The following ENOSF1 variants were observed in gnomAD, a reference collection of about 807,000 sequenced individuals.
The protein encoded by ENOSF1 is mitochondrial enolase superfamily member 1.
Under a neutral mutation model 68.2 loss-of-function variants are expected in ENOSF1, and 73 were observed. That is an observed-to-expected ratio of 1.07 (90% CI 0.89 to 1.30). The LOEUF is 1.30. ENOSF1 is among the 50% of genes most tolerant of loss of function. ENOSF1 has a pLI of 0.00. For missense variants in ENOSF1, 589 were observed against 554.5 expected, an observed-to-expected ratio of 1.06 and a Z score of -0.62; for synonymous variants, 223 against 210.4, an observed-to-expected ratio of 1.06 and a Z score of -0.52.
At position 677,736 on chromosome 18, in the gene ENOSF1, C is replaced by A. The variant is rs187999348; in HGVS notation, c.1048+7G>T. 6.2e-6 allele frequency: 10 copies of A among 1,611,394 alleles called. No homozygotes were observed. The highest frequency in any genetic ancestry group is 8.5e-6 in the Non-Finnish European group (10 of 1,179,122). ...GGTCTGGTCTGCAGCCGCTGCAGCA[C>A]GCTTACTTTCAAACTTTTTGGCCAT... On this transcript the variant is annotated splice_region_variant and intron_variant, in intron 13 of 15. Coordinates refer to ENST00000647584, the MANE Select transcript of ENOSF1 (RefSeq NM_017512.7).
At chr18:668,194 C>T (rs1257988859), downstream of ENOSF1, among the ~76,000 whole-genome samples, 1 of 151,932 alleles carries the variant, frequency 6.6e-6, no homozygotes, top group Non-Finnish European at 1.5e-5. Flanking sequence ...GTAACCACTA[C>T]AATCAAGTTA....
chr18:698,599 T>A (rs2077995235), intron 2 of ENOSF1, among the ~76,000 whole-genome samples: 1 of 151,238 alleles, frequency 6.6e-6, no homozygotes, highest in South Asian at 2.1e-4. Context: ...GGCATTACCA[T>A]CAATTATTTA....
At position 685,991 on chromosome 18, in the gene ENOSF1, C is replaced by G. The variant is rs771396295; in HGVS notation, c.671G>C (p.Gly224Ala). ...TCGCATGTCATCCTGGAGATCAGCACCCACCTTTACTTTAAACCTAGAAAA... is the reference window on the plus strand; with the variant it reads ...TCGCATGTCATCCTGGAGATCAGCAGCCACCTTTACTTTAAACCTAGAAAA... ...DGWTRFKVKV[G>A]ADLQDDMRRC... Residue 224 changes from glycine to alanine, a missense_variant, in exon 10 of 16, where the codon GGT (glycine) becomes GCT (alanine). Coordinates refer to ENST00000647584, the MANE Select transcript of ENOSF1 (RefSeq NM_017512.7). 2.5e-6 allele frequency: 4 copies of G among 1,613,984 alleles called. No homozygotes were observed. Among genetic ancestry groups the G allele is most frequent in the Non-Finnish European group, 3.4e-6 (4 of 1,179,868 alleles).
At chr18:667,571 AGATGGTGATGGTGATGGT>A (rs1172566121), downstream of ENOSF1, 33 of 27,962 alleles carry the variant, frequency 1.2e-3, 6 homozygotes, top group East Asian at 4.5e-3. Flanking sequence ...ATGGTGATGG[AGATGGTGATGGTGATGGT>A]GATGGTGATG....
In ENOSF1 at chr18:683,285, G is replaced by A. The variant is rs1440522928; in HGVS notation, c.837C>T (p.Thr279=). Residue 279 remains threonine (T), a synonymous_variant, in exon 11 of 16, where the codon ACC becomes ACT. Transcript: ENST00000647584. The part of the protein sequence containing the change: ...KFKPLWIEEP[T]SPDDILGHAT... ...CGTGCCCCAGAATGTCATCAGGGGAGGTTGGCTCCTCAATCCACAATGGCT... is the reference window on the plus strand; with the variant it reads ...CGTGCCCCAGAATGTCATCAGGGGAAGTTGGCTCCTCAATCCACAATGGCT... 1.2e-6 allele frequency: 2 copies of A among 1,614,068 alleles called. No homozygotes were observed. The highest frequency in any genetic ancestry group is 1.7e-6 in the Non-Finnish European group (2 of 1,179,988).
downstream of ENOSF1, chr18:669,244 G>GAGGCACCTGAGGGAGGC: frequency 7.6e-7 from 1 of 1,321,004 alleles, no homozygotes; most frequent in Non-Finnish European, 1.1e-6. Context: ...GTTTTGTGCA[G>GAGGCACCTGAGGGAGGC]AGGCACCTGA....
intron 3 of ENOSF1, 47 bp from the exon 4 acceptor site, chr18:694,381 A>G (rs1202938519): frequency 6.4e-7 from 1 of 1,574,136 alleles, no homozygotes; most frequent in African/African-American, 1.4e-5. Flanking sequence ...AATGAAAAAG[A>G]GGGCTGGGTG....
rs963005552 is a variant in ENOSF1, at chr18:679,860, T to C, written c.877-1123A>G. Among the ~76,000 whole-genome samples, 13 of 152,184 alleles carry C rather than the reference T, an allele frequency of 8.5e-5. 1 individual carries two copies. The highest frequency in any genetic ancestry group is 2.0e-4 in the Admixed American group (3 of 15,292). On this transcript the variant is annotated intron_variant, in intron 11 of 15. Coordinates refer to ENST00000647584, the MANE Select transcript of ENOSF1 (RefSeq NM_017512.7). Reference sequence around the variant, plus strand: ...TGGCTTCCCTTCCCTTTGCTTAGGGTAATAGTAATCACACTGACAGCTAAC... The same window carrying C: ...TGGCTTCCCTTCCCTTTGCTTAGGGCAATAGTAATCACACTGACAGCTAAC...
chr18:678,640 G>A (rs1598537509), intron 12 of ENOSF1, 56 bp downstream of exon 12: 1 of 1,568,050 alleles, frequency 6.4e-7, no homozygotes, highest in South Asian at 1.1e-5. Flanking sequence ...TCGGTCACTG[G>A]TCAGCGTGTA....
At chr18:712,314 T>A in intron 1 of ENOSF1, 190 bp downstream of exon 1, 1 of 1,477,004 alleles carries the variant, frequency 6.8e-7, no homozygotes, top group Non-Finnish European at 8.9e-7. Flanking sequence ...CCCGCAGAGC[T>A]GCAGTCGGCG....
In ENOSF1 at chr18:697,295, A is replaced by C. The variant is rs201104611; in HGVS notation, c.254T>G (p.Val85Gly). 83 of 1,614,038 alleles carry C rather than the reference A, an allele frequency of 5.1e-5. No homozygotes were observed. In the East Asian group the frequency reaches 1.8e-3, roughly 35 times the overall value. ...HVLNKDLKDI[V>G]GDFRGFYRQL... ...CCTATAGAAGCCTCTGAAGTCACCA[A>C]CAATGTCCTTGAGGTCCTTGTTGAG... Residue 85 changes from valine (V) to glycine (G), a missense_variant, in exon 3 of 16, where the codon GTT (valine) becomes GGT (glycine). Physicochemically the swap from Val to Gly is moderately radical, Grantham distance 109 (BLOSUM62 -3). Coordinates refer to ENST00000647584, the MANE Select transcript of ENOSF1 (RefSeq NM_017512.7).
intron 5 of ENOSF1, chr18:691,552 G>A (rs2077176920): frequency 6.3e-6 from 2 of 317,098 alleles, no homozygotes; most frequent in Non-Finnish European, 1.2e-5. Flanking sequence ...TCACTATGTT[G>A]ACCAGGTTGA....
intron 5 of ENOSF1, chr18:693,269 A>C (rs2612083): frequency 0.35 from 445,956 of 1,281,012 alleles, 79,945 homozygotes; most frequent in Non-Finnish European, 0.37. Context: ...TGTACAGTAG[A>C]GGCTACAATG....
chr18:695,594 A>T (rs1022106894), intron 3 of ENOSF1, among the ~76,000 whole-genome samples: 5 of 152,070 alleles, frequency 3.3e-5, no homozygotes, highest in East Asian at 1.9e-4. Flanking sequence ...CTCCTTAAAA[A>T]TTTTTTATTT....
downstream of ENOSF1, among the ~76,000 whole-genome samples, chr18:666,573 G>A (rs1354472971): frequency 6.6e-6 from 1 of 152,190 alleles, no homozygotes; most frequent in Non-Finnish European, 1.5e-5. Flanking sequence ...GCTGGGCAGA[G>A]ACCAGCAACC....
chr18:673,740 A>G lies in ENOSF1; in HGVS notation c.*565T>C, dbSNP rs527259061. The G allele has an allele frequency of 1.3e-5, 2 of 152,048 alleles. No individual in the cohort carries two copies. Among genetic ancestry groups the G allele is most frequent in the Admixed American group, 1.3e-4 (2 of 15,046 alleles). The allele number at this position is 152,048 out of a possible 1,614,324, so 9.4% of individuals were successfully genotyped here. ...TTTTTTTTTTTTTTAAACTTTTATAACCTTAAAGGGTTATTTTAAAATAAT... is the reference window on the plus strand; with the variant it reads ...TTTTTTTTTTTTTTAAACTTTTATAGCCTTAAAGGGTTATTTTAAAATAAT... On this transcript the variant is annotated 3_prime_UTR_variant, in exon 16 of 16. Coordinates refer to ENST00000647584, the MANE Select transcript of ENOSF1 (RefSeq NM_017512.7).
At chr18:666,951 TGATGGA>T (rs1244821106), downstream of ENOSF1, among the ~76,000 whole-genome samples, 70 of 21,312 alleles carry the variant, frequency 3.3e-3, 7 homozygotes, top group African/African-American at 4.9e-3. Flanking sequence ...ATGGTGATGG[TGATGGA>T]GATGGAGATG....
At position 683,264 on chromosome 18, in the gene ENOSF1, C is replaced by A; in HGVS notation, c.858G>T (p.Gly286=). 1 of 1,613,612 alleles carries A rather than the reference C, an allele frequency of 6.2e-7. No homozygotes were observed. Among genetic ancestry groups the A allele is most frequent in the South Asian group, 1.1e-5 (1 of 90,976 alleles). ...TTCCTACCTTGGAAATGGTGGCGTG[C>A]CCCAGAATGTCATCAGGGGAGGTTG... is the stretch of plus-strand genomic sequence containing the variant. ...EEPTSPDDIL[G]HATISKALVP... Residue 286 remains glycine, a synonymous_variant, in exon 11 of 16, where the codon GGG becomes GGT. Transcript: ENST00000647584.
intron 9 of ENOSF1, chr18:686,486 G>A (rs1267206459): frequency 6.4e-6 from 1 of 155,932 alleles, no homozygotes; most frequent in Non-Finnish European, 1.4e-5. Context: ...CAGTGCAGGG[G>A]CCTGAGGTTC....
Sources: gnomAD v4.1 joint callset for allele counts (sites outside exome capture counted in the v4.1 genomes callset) on GRCh38, gnomAD v4.1.1 for gene constraint, MANE v1.5 for transcripts, NCBI Gene and HGNC (gene_info 2026-07-23, HGNC 2026-07-21) for gene names.